DOCK9: variants seen among roughly 807,000 people sequenced by gnomAD.
DOCK9 encodes dedicator of cytokinesis 9, also known as dedicator of cytokinesis protein 9.
A neutral mutation model predicts 263.3 loss-of-function variants in DOCK9; 89 were observed. The ratio of observed to expected loss-of-function variants is 0.34; its 90% confidence interval spans 0.28 to 0.40. The LOEUF is 0.40. Ranked by LOEUF, DOCK9 falls within the 10% of genes least tolerant of loss-of-function variation. The pLI is 1.00. For missense variants in DOCK9, 2,140 were observed against 2,603.4 expected (o/e 0.82, Z 3.87); for synonymous variants, 976 against 973.1 (o/e 1.00, Z -0.06).
chr13:98,881,076 C>T lies in DOCK9; in HGVS notation c.2746-404G>A, dbSNP rs144012238. On this transcript the variant is annotated intron_variant, in intron 25 of 52. Coordinates refer to ENST00000682017, the MANE Select transcript of DOCK9 (RefSeq NM_001366683.2). ...TCTGTTTAGAATAGTAACTGCCACT[C>T]TACTTACTGGATGTTGTATATAAAT... Among the ~76,000 whole-genome samples, 620 of 152,322 alleles carry T rather than the reference C, an allele frequency of 4.1e-3. 5 individuals carry two copies. The highest frequency in any genetic ancestry group is 0.014 in the African/African-American group (586 of 41,572).
Position 99,006,715 on chromosome 13 carries a change from T to G in DOCK9, c.130-51164A>C, listed in dbSNP as rs925459232. Among the ~76,000 whole-genome samples, 5 of 152,222 alleles carry G rather than the reference T, an allele frequency of 3.3e-5. No individual in the cohort carries two copies. The East Asian group carries it at 9.6e-4, about 29-fold the overall frequency. On this transcript the variant is annotated intron_variant, in intron 1 of 32. Coordinates refer to the DOCK9 transcript ENST00000427887. ...GAGTTATGGGTAATTTTTGTTTTCC[T>G]CTTATTCTTCTTTGTGGTCTCTAAA...
At chr13:99,027,906 G>A (rs1328242653) in intron 1 of DOCK9, among the ~76,000 whole-genome samples, 2 of 152,318 alleles carry the variant, frequency 1.3e-5, no homozygotes, top group East Asian at 3.9e-4. Context: ...TGACCCAGCG[G>A]AAGAATGGCA....
At chr13:98,918,517 C>A (rs905093444) in intron 7 of DOCK9, among the ~76,000 whole-genome samples, 1 of 151,816 alleles carries the variant, frequency 6.6e-6, no homozygotes, top group East Asian at 1.9e-4. Flanking sequence ...GACACAACAA[C>A]CAAAATTTTA....
chr13:98,866,189 G>A (rs1207019643), intron 30 of DOCK9, among the ~76,000 whole-genome samples: 2 of 152,082 alleles, frequency 1.3e-5, no homozygotes, highest in Non-Finnish European at 1.5e-5. Flanking sequence ...ATGCATCAGT[G>A]TCTGACATTC....
chr13:98,937,400 T>A (rs570022614), intron 2 of DOCK9, among the ~76,000 whole-genome samples: 1 of 152,050 alleles, frequency 6.6e-6, no homozygotes, highest in African/African-American at 2.4e-5. Context: ...AAAAGAAAGA[T>A]AGGTAGATAG....
chr13:99,080,008 C>T (rs953211801), intron 1 of DOCK9, among the ~76,000 whole-genome samples: 6 of 152,148 alleles, frequency 3.9e-5, no homozygotes. Flanking sequence ...CCACTGCACT[C>T]CAGCCTGGGT....
chr13:98,824,287 T>G (rs952868079), intron 45 of DOCK9, 111 bp downstream of exon 45: 7 of 860,122 alleles, frequency 8.1e-6, no homozygotes, highest in Middle Eastern at 3.6e-4. Context: ...GCTATGTGTA[T>G]AAGTAGCAGC....
At chr13:99,058,754 A>C (rs1198604366) in intron 1 of DOCK9, among the ~76,000 whole-genome samples, 1 of 152,142 alleles carries the variant, frequency 6.6e-6, no homozygotes, top group Non-Finnish European at 1.5e-5. Flanking sequence ...CCCTTCAAGC[A>C]CTGCAAGGAC....
intron 1 of DOCK9, among the ~76,000 whole-genome samples, chr13:99,048,170 C>T (rs1199118414): frequency 1.3e-5 from 2 of 152,174 alleles, no homozygotes; most frequent in Non-Finnish European, 2.9e-5. Flanking sequence ...TCATGTGCTG[C>T]TTCTTGGTTT....
chr13:99,074,914 G>T (rs552541942), intron 1 of DOCK9, among the ~76,000 whole-genome samples: 2 of 152,252 alleles, frequency 1.3e-5, no homozygotes, highest in South Asian at 4.2e-4. Flanking sequence ...GTTTTAAGTG[G>T]ATATTCACAA....
chr13:98,952,831 T>C (rs2057598757), intron 2 of DOCK9, among the ~76,000 whole-genome samples: 1 of 152,222 alleles, frequency 6.6e-6, no homozygotes, highest in African/African-American at 2.4e-5. Context: ...TTCTATTATT[T>C]TAATAGTTAA....
Position 98,793,561 on chromosome 13 carries a change from A to C in DOCK9, c.*1065T>G, listed in dbSNP as rs1258646057. ...TACAGCAGGGCAGTGATTCCAGTTA[A>C]ATAAAATTAAAAACCTTTATTTTCC... On this transcript the variant is annotated 3_prime_UTR_variant, in exon 53 of 53. Coordinates refer to ENST00000682017, the MANE Select transcript of DOCK9 (RefSeq NM_001366683.2). 1 of 152,630 alleles carries C rather than the reference A, an allele frequency of 6.6e-6. No homozygotes were observed. The highest frequency in any genetic ancestry group is 2.4e-5 in the African/African-American group (1 of 41,450). 9.5% of individuals were successfully genotyped at this position (152,630 alleles called of 1,614,324 possible). A position where few individuals can be genotyped will look rare whatever the true frequency, so the allele number is the denominator to read the frequency against.
chr13:99,071,727 C>T (rs1596037401), intron 1 of DOCK9, among the ~76,000 whole-genome samples: 2 of 152,190 alleles, frequency 1.3e-5, no homozygotes. Flanking sequence ...TTTTTAATTT[C>T]TCTAAAAATG....
chr13:99,033,275 A>G (rs1420651951), intron 1 of DOCK9, among the ~76,000 whole-genome samples: 2 of 152,250 alleles, frequency 1.3e-5, no homozygotes, highest in Non-Finnish European at 2.9e-5. Context: ...GAAAATCTGA[A>G]TATGAAAGAC....
chr13:99,067,866 G>C (rs1270963337), intron 1 of DOCK9, among the ~76,000 whole-genome samples: 2 of 132,612 alleles, frequency 1.5e-5, no homozygotes, highest in East Asian at 4.7e-4. Context: ...TGTAAGGACA[G>C]AAGCTTTTTT....
At chr13:99,034,791 T>C (rs927257655) in intron 1 of DOCK9, among the ~76,000 whole-genome samples, 3 of 152,094 alleles carry the variant, frequency 2.0e-5, no homozygotes, top group African/African-American at 4.8e-5. Context: ...TGCGTAATAA[T>C]AAGGAACAGT....
At chr13:98,813,363 G>C (rs1248204400) in intron 45 of DOCK9, among the ~76,000 whole-genome samples, 1 of 152,108 alleles carries the variant, frequency 6.6e-6, no homozygotes, top group Non-Finnish European at 1.5e-5. Flanking sequence ...TCTGTAGACA[G>C]TCTTTTTGTT....
At chr13:98,844,266 T>G (rs10459306) in intron 38 of DOCK9, among the ~76,000 whole-genome samples, 1 of 152,064 alleles carries the variant, frequency 6.6e-6, no homozygotes, top group Non-Finnish European at 1.5e-5. Flanking sequence ...AACTCAGAAG[T>G]AGCATTTTAT....
chr13:98,904,641 T>G lies in DOCK9; in HGVS notation c.1026A>C (p.Pro342=). ...ESRVKLFYLD[P]DAQKLDFSSA... ...TTTAGATAGTTCTTACCTGGGCATC[T>G]GGGTCCAAATAAAAAAGTTTGACTC... The change falls in exon 10 of 53, where the codon CCA becomes CCC. Residue 342 remains proline, a synonymous_variant. Coordinates refer to ENST00000682017, the MANE Select transcript of DOCK9 (RefSeq NM_001366683.2). 1 of 1,555,936 alleles carries G rather than the reference T, an allele frequency of 6.4e-7. No homozygotes were observed. The highest frequency in any genetic ancestry group is 8.7e-7 in the Non-Finnish European group (1 of 1,148,530).
Sources: allele counts gnomAD v4.1 joint callset (sites outside exome capture counted in the v4.1 genomes callset), GRCh38; gene constraint gnomAD v4.1.1; transcripts MANE v1.5; gene names NCBI Gene and HGNC (gene_info 2026-07-23, HGNC 2026-07-21).